Variants in FGF12 observed in about 807,000 individuals in gnomAD.
FGF12 encodes fibroblast growth factor 12.
A neutral mutation model predicts 23.6 loss-of-function variants in FGF12; 14 were observed. The ratio of observed to expected loss-of-function variants is 0.59; its 90% CI spans 0.39 to 0.93. The LOEUF (loss-of-function observed/expected upper bound fraction) is 0.93, where lower values mean the gene tolerates loss of function less well. Among genes scored for constraint, FGF12 ranks in the 40% least tolerant of loss-of-function variants. FGF12 has a pLI of 0.00. For missense variants in FGF12, 175 were observed against 217.8 expected (o/e 0.80, Z 1.24); for synonymous variants, 62 against 77.3 (o/e 0.80, Z 1.04).
chr3:192,282,386 A>C (rs997318517), intron 4 of FGF12, among the ~76,000 whole-genome samples: 27 of 152,084 alleles, frequency 1.8e-4, no homozygotes, highest in Admixed American at 1.7e-3. Context: ...CCCCCTTATT[A>C]CTCTAGTCAA....
chr3:192,471,015 G>A (rs1057074714), intron 2 of FGF12, among the ~76,000 whole-genome samples: 3 of 152,056 alleles, frequency 2.0e-5, no homozygotes, highest in African/African-American at 7.2e-5. Context: ...CCCCAGTGCA[G>A]TTTTATTTCA....
At chr3:192,202,068 C>T (rs1042106523) in intron 4 of FGF12, among the ~76,000 whole-genome samples, 1 of 152,092 alleles carries the variant, frequency 6.6e-6, no homozygotes, top group Non-Finnish European at 1.5e-5. Context: ...CCATTTATCT[C>T]ATTCAGATGA....
rs532073834 is a variant in FGF12, at chr3:192,523,195, T to C, written c.14-162657A>G. On this transcript the variant is annotated intron_variant, in intron 2 of 5. Coordinates refer to ENST00000445105, the MANE Select transcript of FGF12 (RefSeq NM_004113.6). ...GTTATTTCTAAGTTGCAACAGGATA[T>C]AGTCTTGATGCCTTGAGAATCAGAA... 3.3e-5 allele frequency among the ~76,000 whole-genome samples: 5 copies of C among 152,296 alleles called. No individual in the cohort carries two copies. The East Asian group carries it at 5.8e-4, about 18-fold the overall frequency.
At chr3:192,404,046 AG>A (rs575113037) in intron 2 of FGF12, among the ~76,000 whole-genome samples, 230 of 152,328 alleles carry the variant, frequency 1.5e-3, no homozygotes, top group African/African-American at 5.0e-3. Context: ...TTTACCATGT[AG>A]TGTAATTCTA....
intron 4 of FGF12, among the ~76,000 whole-genome samples, chr3:192,179,624 C>A (rs1301277427): frequency 2.6e-5 from 4 of 151,544 alleles, no homozygotes; most frequent in African/African-American, 7.3e-5. Context: ...TTGCTCACTG[C>A]AACCTCCGCC....
chr3:192,501,467 T>TA (rs2108833154), intron 2 of FGF12, among the ~76,000 whole-genome samples: 1 of 152,358 alleles, frequency 6.6e-6, no homozygotes, highest in South Asian at 2.1e-4. Flanking sequence ...TGCCATGAAC[T>TA]CTACTTCCAG....
At chr3:192,170,776 G>T in intron 4 of FGF12, 120 bp from the exon 5 acceptor site, 1 of 819,984 alleles carries the variant, frequency 1.2e-6, no homozygotes, top group Non-Finnish European at 1.9e-6. Flanking sequence ...GAAAGGCAAT[G>T]ACACATAGTT....
rs1156895006 is a variant in FGF12 at position 192,384,503 on chromosome 3, AAAG to A, written c.14-23968_14-23966del. ...ATAACATCTTCATTCTAACAGAAGGAAAGAAGGATAGAACAGATGTTAATTTGC... is the reference window on the plus strand; with the variant it reads ...ATAACATCTTCATTCTAACAGAAGGAAAGGATAGAACAGATGTTAATTTGC... On this transcript the variant is annotated intron_variant, in intron 2 of 5. Coordinates refer to ENST00000445105, the MANE Select transcript of FGF12 (RefSeq NM_004113.6). Among the ~76,000 whole-genome samples, 6 of 152,308 alleles carry A rather than the reference AAAG, an allele frequency of 3.9e-5. No individual in the cohort carries two copies. The South Asian group carries it at 8.3e-4, about 21-fold the overall frequency.
intron 5 of FGF12, among the ~76,000 whole-genome samples, chr3:192,161,201 G>A (rs1331251045): frequency 1.3e-5 from 2 of 151,900 alleles, no homozygotes; most frequent in Non-Finnish European, 2.9e-5. Flanking sequence ...ACCAACAGCA[G>A]GAACGTTAAG....
At chr3:192,347,685 T>G (rs980630741) in intron 3 of FGF12, among the ~76,000 whole-genome samples, 2 of 152,154 alleles carry the variant, frequency 1.3e-5, no homozygotes, top group African/African-American at 4.8e-5. Context: ...AAAAGAAGGT[T>G]GGTCTAAGGC....
chr3:192,541,183 G>A lies in FGF12; in HGVS notation c.14-180645C>T, dbSNP rs147780561. Reference sequence around the variant, plus strand: ...CCATTTTGTTACTTGTTTTCTGGTTGTTTGTGGTCTTCTCTTCCTTCTTTC... The same window carrying A: ...CCATTTTGTTACTTGTTTTCTGGTTATTTGTGGTCTTCTCTTCCTTCTTTC... On this transcript the variant is annotated intron_variant, in intron 2 of 5. Transcript: ENST00000445105. Among the ~76,000 whole-genome samples, 220 of 152,138 alleles carry A rather than the reference G, an allele frequency of 1.4e-3. 1 individual carries two copies. Among genetic ancestry groups the A allele is most frequent in the African/African-American group, 5.2e-3 (215 of 41,538 alleles).
chr3:192,320,134 A>G (rs563111932), intron 4 of FGF12, among the ~76,000 whole-genome samples: 2 of 152,310 alleles, frequency 1.3e-5, no homozygotes, highest in African/African-American at 4.8e-5. Context: ...ACACACATAG[A>G]CAGATACAAA....
At chr3:192,306,396 A>G (rs369092983) in intron 4 of FGF12, among the ~76,000 whole-genome samples, 2 of 152,074 alleles carry the variant, frequency 1.3e-5, no homozygotes, top group African/African-American at 4.8e-5. Flanking sequence ...CAATGATGGA[A>G]TACTCTGAGA....
At chr3:192,243,986 A>G (rs1245473297) in intron 4 of FGF12, among the ~76,000 whole-genome samples, 1 of 152,130 alleles carries the variant, frequency 6.6e-6, no homozygotes, top group Non-Finnish European at 1.5e-5. Flanking sequence ...CTAAAACCAC[A>G]TATCATAAAT....
intron 2 of FGF12, among the ~76,000 whole-genome samples, chr3:192,590,430 A>G (rs558125672): frequency 6.6e-6 from 1 of 152,092 alleles, no homozygotes; most frequent in African/African-American, 2.4e-5. Flanking sequence ...TTGTGAACAT[A>G]TCAGTAGAAC....
At chr3:192,626,073 A>C (rs1715156669) in intron 2 of FGF12, among the ~76,000 whole-genome samples, 1 of 152,168 alleles carries the variant, frequency 6.6e-6, no homozygotes, top group African/African-American at 2.4e-5. Context: ...AGTCTACAAA[A>C]TTTTCTCACG....
At chr3:192,431,547 T>C (rs919959593) in intron 2 of FGF12, among the ~76,000 whole-genome samples, 28 of 152,140 alleles carry the variant, frequency 1.8e-4, no homozygotes, top group Admixed American at 7.9e-4. Flanking sequence ...TAATGAAAAA[T>C]GACAGGGAGA....
rs1718663156 is a variant in FGF12, at chr3:192,360,402, G to T, written c.124+26C>A. ...GGGCCCTACATTTGATTTGTAATCA[G>T]ATTGTAAGAAGCTAATGTTTCTTAC... On this transcript the variant is annotated intron_variant, in intron 3 of 5. Transcript: ENST00000445105. This position sits in a 1 kb window ranked among gnomAD's most constrained non-coding sequence, Gnocchi z 4.3. The T allele has an allele frequency of 6.8e-7, 1 of 1,466,078 alleles. No individual in the cohort carries two copies. Among genetic ancestry groups the T allele is most frequent in the Non-Finnish European group, 9.6e-7 (1 of 1,045,510 alleles). The allele number at this position is 1,466,078 out of a possible 1,614,324, so 90.8% of individuals were successfully genotyped here.
At chr3:192,385,105 A>G (rs2108756379) in intron 2 of FGF12, among the ~76,000 whole-genome samples, 1 of 152,320 alleles carries the variant, frequency 6.6e-6, no homozygotes, top group South Asian at 2.1e-4. Flanking sequence ...TCATATTTGA[A>G]TGAATTTCAG....
Sources: allele counts gnomAD v4.1 joint callset (sites outside exome capture counted in the v4.1 genomes callset), GRCh38; gene constraint gnomAD v4.1.1; non-coding constraint Gnocchi (gnomAD v3.1); transcripts MANE v1.5; gene names NCBI Gene and HGNC (gene_info 2026-07-23, HGNC 2026-07-21).